Variants in PTPRT observed in about 807,000 individuals in gnomAD.
The protein encoded by PTPRT is receptor-type tyrosine-protein phosphatase T.
A neutral mutation model predicts 176.8 loss-of-function variants in PTPRT; 56 were observed. That is an observed-to-expected ratio of 0.32 (90% CI 0.26 to 0.40). The LOEUF (loss-of-function observed/expected upper bound fraction) is 0.40, where lower values mean the gene tolerates loss of function less well. Ranked by LOEUF, PTPRT falls within the 10% of genes least tolerant of loss-of-function variation. The pLI is 1.00. For synonymous variants in PTPRT, 783 were observed against 739.0 expected (o/e 1.06, Z -0.96); for missense variants, 1,540 against 1,908.2 (o/e 0.81, Z 3.60).
intron 7 of PTPRT, among the ~76,000 whole-genome samples, chr20:42,578,671 A>T (rs1220883280): frequency 6.6e-6 from 1 of 152,080 alleles, no homozygotes; most frequent in East Asian, 1.9e-4. Context: ...TATATCCAGA[A>T]TCAAACCATT....
chr20:43,107,228 G>C (rs1431980908), intron 1 of PTPRT, among the ~76,000 whole-genome samples: 2 of 152,196 alleles, frequency 1.3e-5, no homozygotes, highest in Admixed American at 6.5e-5. Flanking sequence ...AAATAAGGAA[G>C]AAAATAGTCT....
intron 1 of PTPRT, among the ~76,000 whole-genome samples, chr20:42,943,005 C>A (rs150163229): frequency 6.6e-6 from 1 of 152,328 alleles, no homozygotes; most frequent in African/African-American, 2.4e-5. Context: ...AGCACTTCCA[C>A]TTTGCATGAG....
intron 7 of PTPRT, among the ~76,000 whole-genome samples, chr20:42,565,629 T>C (rs1371385751): frequency 6.6e-6 from 1 of 152,088 alleles, no homozygotes; most frequent in Admixed American, 6.6e-5. Flanking sequence ...AATTAAACAG[T>C]TGTAAAACTT....
intron 15 of PTPRT, among the ~76,000 whole-genome samples, chr20:42,232,863 C>T (rs2056164908): frequency 6.6e-6 from 1 of 151,726 alleles, no homozygotes; most frequent in Non-Finnish European, 1.5e-5. Context: ...ACTCATGGTC[C>T]CCAGGCAGGC....
chr20:42,183,240 T>C (rs1331624494), intron 16 of PTPRT, among the ~76,000 whole-genome samples: 3 of 152,144 alleles, frequency 2.0e-5, no homozygotes, highest in African/African-American at 7.2e-5. Flanking sequence ...GGTTCTAATA[T>C]TTCAAGTACT....
intron 1 of PTPRT, chr20:42,966,566 T>C (rs932987691): frequency 2.0e-5 from 3 of 152,160 alleles, no homozygotes; most frequent in African/African-American, 2.4e-5. Flanking sequence ...GCCCAACTTA[T>C]AGTAGAAACT....
At chr20:42,797,918 G>A (rs2077475815) in intron 2 of PTPRT, among the ~76,000 whole-genome samples, 1 of 152,162 alleles carries the variant, frequency 6.6e-6, no homozygotes. Flanking sequence ...CTACCCTAGA[G>A]CCTCCAGAAA....
At chr20:43,180,465 C>T (rs2015228949) in intron 1 of PTPRT, among the ~76,000 whole-genome samples, 1 of 85,030 alleles carries the variant, frequency 1.2e-5, no homozygotes, top group Admixed American at 1.2e-4. Flanking sequence ...TATATATACA[C>T]CCACATTTTT....
chr20:43,110,891 T>C (rs1011091209), intron 1 of PTPRT, among the ~76,000 whole-genome samples: 5 of 152,196 alleles, frequency 3.3e-5, no homozygotes, highest in African/African-American at 4.8e-5. Flanking sequence ...TCCACTCTTA[T>C]GCTAGCTCCA....
chr20:42,906,929 ATAC>A (rs2079486380), intron 1 of PTPRT, among the ~76,000 whole-genome samples: 2 of 152,268 alleles, frequency 1.3e-5, no homozygotes, highest in South Asian at 4.1e-4. Flanking sequence ...TGTTTCCTCC[ATAC>A]TGTCAACCCC....
chr20:42,717,473 C>T (rs1261280892), intron 6 of PTPRT, among the ~76,000 whole-genome samples: 3 of 151,982 alleles, frequency 2.0e-5, no homozygotes, highest in African/African-American at 7.2e-5. Flanking sequence ...ATCAAAGTGA[C>T]AGTTTTTATA....
At chr20:42,862,297 C>T (rs1192666907) in intron 2 of PTPRT, among the ~76,000 whole-genome samples, 1 of 152,160 alleles carries the variant, frequency 6.6e-6, no homozygotes, top group East Asian at 1.9e-4. Flanking sequence ...TGAGACTCAT[C>T]TCTATAGCTC....
intron 1 of PTPRT, among the ~76,000 whole-genome samples, chr20:43,015,395 C>T (rs114356143): frequency 2.0e-5 from 3 of 152,320 alleles, no homozygotes; most frequent in African/African-American, 7.2e-5. Flanking sequence ...TTGTGCTTTT[C>T]TTTGGAGCAA....
chr20:42,465,110 A>T (rs1277342466), intron 8 of PTPRT, among the ~76,000 whole-genome samples: 1 of 151,058 alleles, frequency 6.6e-6, no homozygotes, highest in Non-Finnish European at 1.5e-5. Flanking sequence ...TAATTATTAT[A>T]TGGGATTCTA....
At chr20:42,068,314 T>C (rs1247924396), downstream of PTPRT, among the ~76,000 whole-genome samples, 2 of 152,200 alleles carry the variant, frequency 1.3e-5, no homozygotes, top group Non-Finnish European at 2.9e-5. Flanking sequence ...ATTGTTCCCA[T>C]GGCCGTGGAT....
chr20:42,991,715 T>G (rs1983922904), intron 1 of PTPRT, among the ~76,000 whole-genome samples: 1 of 152,208 alleles, frequency 6.6e-6, no homozygotes, highest in African/African-American at 2.4e-5. Flanking sequence ...AATGGTAAGT[T>G]TTATGTTATG....
intron 6 of PTPRT, among the ~76,000 whole-genome samples, chr20:42,707,991 T>C (rs1156257253): frequency 6.6e-6 from 1 of 152,148 alleles, no homozygotes; most frequent in East Asian, 1.9e-4. Context: ...TATGCAAAAA[T>C]AGAAAACCAA....
intron 1 of PTPRT, among the ~76,000 whole-genome samples, chr20:42,972,208 G>T (rs1392725739): frequency 2.0e-5 from 3 of 146,592 alleles, no homozygotes; most frequent in African/African-American, 7.5e-5. Context: ...CCATGCAGAG[G>T]AAACCCAAGG....
At chr20:42,333,401 G>A (rs753263956) in intron 11 of PTPRT, among the ~76,000 whole-genome samples, 3 of 151,394 alleles carry the variant, frequency 2.0e-5, no homozygotes, top group East Asian at 2.0e-4. Flanking sequence ...GTGTGATCTC[G>A]GCTCACTGTA....
Sources: gnomAD v4.1 joint callset for allele counts (sites outside exome capture counted in the v4.1 genomes callset) on GRCh38, gnomAD v4.1.1 for gene constraint, MANE v1.5 for transcripts, NCBI Gene and HGNC (gene_info 2026-07-23, HGNC 2026-07-21) for gene names.